The following CNTLN variants were observed in gnomAD, a reference collection of about 807,000 sequenced individuals.
CNTLN encodes centlein, centrosomal protein.
Under a neutral mutation model 180.0 loss-of-function variants are expected in CNTLN, and 212 were observed. The observed-to-expected ratio is 1.18, with a 90% CI of 1.05 to 1.32. The LOEUF (loss-of-function observed/expected upper bound fraction) is 1.32. Ranked by LOEUF, CNTLN falls within the 40% of genes most tolerant of loss-of-function variation. CNTLN has a pLI of 0.00. For synonymous variants in CNTLN, 722 were observed against 563.1 expected, an observed-to-expected ratio of 1.28 and a Z score of -3.99; for missense variants, 2,095 against 1,610.9, an observed-to-expected ratio of 1.30 and a Z score of -5.14.
the CNTLN span, among the ~76,000 whole-genome samples, chr9:17,522,192 C>T: frequency 1.3e-5 from 2 of 152,144 alleles, no homozygotes; most frequent in Non-Finnish European, 2.9e-5. Flanking sequence ...ATGGACGTGG[C>T]TAGTATAGTG....
chr9:17,248,887 C>T (rs1166476461), intron 5 of CNTLN, among the ~76,000 whole-genome samples: 1 of 151,730 alleles, frequency 6.6e-6, no homozygotes, highest in African/African-American at 2.4e-5. Flanking sequence ...ATCTTATAAT[C>T]ATTTTTATTT....
intron 2 of CNTLN, among the ~76,000 whole-genome samples, chr9:17,171,042 C>T (rs968030599): frequency 2.6e-5 from 4 of 152,184 alleles, no homozygotes; most frequent in Middle Eastern, 3.4e-3. Context: ...CACTCTGTGA[C>T]GTTTGCACAA....
chr9:17,482,988 C>T (rs1832724673), intron 23 of CNTLN, among the ~76,000 whole-genome samples: 2 of 151,886 alleles, frequency 1.3e-5, no homozygotes, highest in African/African-American at 4.8e-5. Context: ...TTTAAAGTAT[C>T]CCGCTAAATT....
At chr9:17,483,729 C>A (rs1385857150) in intron 23 of CNTLN, among the ~76,000 whole-genome samples, 1 of 152,148 alleles carries the variant, frequency 6.6e-6, no homozygotes, top group Non-Finnish European at 1.5e-5. Flanking sequence ...AATGATTTTT[C>A]TTCAATCCTT....
chr9:17,448,719 G>T (rs1340914827), intron 18 of CNTLN, among the ~76,000 whole-genome samples: 1 of 151,996 alleles, frequency 6.6e-6, no homozygotes, highest in Non-Finnish European at 1.5e-5. Flanking sequence ...TTGGTTCTTT[G>T]AGTGGACATT....
chr9:17,263,830 A>C (rs1008238930), intron 5 of CNTLN, among the ~76,000 whole-genome samples: 1 of 143,510 alleles, frequency 7.0e-6, no homozygotes, highest in Non-Finnish European at 1.5e-5. Context: ...TCTTGGCTGC[A>C]TAAATGTCTT....
At chr9:17,191,907 C>T (rs1048323465) in intron 2 of CNTLN, among the ~76,000 whole-genome samples, 1 of 152,120 alleles carries the variant, frequency 6.6e-6, no homozygotes, top group African/African-American at 2.4e-5. Flanking sequence ...GTCTTGGCAT[C>T]AATTATTGTC....
intron 5 of CNTLN, among the ~76,000 whole-genome samples, chr9:17,246,636 G>T (rs73646766): frequency 0.048 from 7,364 of 152,194 alleles, 608 homozygotes; most frequent in African/African-American, 0.17. Context: ...CTTCAGTACG[G>T]CAAGTTTGCC....
chr9:17,280,829 C>G (rs870271), intron 6 of CNTLN, among the ~76,000 whole-genome samples: 73,817 of 151,956 alleles, frequency 0.49, 18,929 homozygotes, highest in South Asian at 0.69. Context: ...ATGGTAAATG[C>G]AGAAAAAGAC....
chr9:17,306,642 C>A (rs368811490), intron 7 of CNTLN, among the ~76,000 whole-genome samples: 1 of 152,176 alleles, frequency 6.6e-6, no homozygotes, highest in Non-Finnish European at 1.5e-5. Flanking sequence ...CCTGACCATA[C>A]CCTAGCATCA....
intron 7 of CNTLN, among the ~76,000 whole-genome samples, chr9:17,307,958 G>A (rs533376908): frequency 6.9e-6 from 1 of 145,028 alleles, no homozygotes; most frequent in Non-Finnish European, 1.5e-5. Context: ...AGATTTTACT[G>A]TTAGCCTTTA....
At chr9:17,438,321 T>A (rs1829900398) in intron 18 of CNTLN, among the ~76,000 whole-genome samples, 1 of 151,984 alleles carries the variant, frequency 6.6e-6, no homozygotes, top group Non-Finnish European at 1.5e-5. Context: ...ATCTAGACAA[T>A]ATTAGTAGAA....
At chr9:17,231,427 T>G (rs1169898472) in intron 3 of CNTLN, among the ~76,000 whole-genome samples, 1 of 152,084 alleles carries the variant, frequency 6.6e-6, no homozygotes, top group African/African-American at 2.4e-5. Context: ...TTGCCTTTTT[T>G]TGGGTAAGAC....
intron 23 of CNTLN, among the ~76,000 whole-genome samples, chr9:17,473,304 C>T (rs1832132206): frequency 6.6e-6 from 1 of 152,138 alleles, no homozygotes; most frequent in African/African-American, 2.4e-5. Flanking sequence ...ATCTCAGCTG[C>T]GTCTTTCACT....
chr9:17,361,177 C>T (rs1030246431), intron 12 of CNTLN, among the ~76,000 whole-genome samples: 2 of 152,150 alleles, frequency 1.3e-5, no homozygotes, highest in Non-Finnish European at 2.9e-5. Context: ...CCTCATTTAG[C>T]ATTAGATATA....
intron 15 of CNTLN, among the ~76,000 whole-genome samples, chr9:17,397,916 A>G (rs931623397): frequency 1.3e-5 from 2 of 152,198 alleles, no homozygotes; most frequent in Non-Finnish European, 2.9e-5. Context: ...AGAATTCTCA[A>G]ACGGCTAGAA....
intron 18 of CNTLN, among the ~76,000 whole-genome samples, chr9:17,419,879 G>C (rs1828571903): frequency 6.6e-6 from 1 of 152,072 alleles, no homozygotes; most frequent in Admixed American, 6.6e-5. Flanking sequence ...TATGTACATT[G>C]ATAAATAATA....
At chr9:17,253,175 T>G (rs77535770) in intron 5 of CNTLN, among the ~76,000 whole-genome samples, 25,936 of 151,770 alleles carry the variant, frequency 0.17, 2,479 homozygotes, top group South Asian at 0.28. Context: ...TAATATATCC[T>G]TGTAATATGT....
chr9:17,409,273 C>G lies in CNTLN; in HGVS notation c.2616-20C>G. 1.2e-6 allele frequency: 2 copies of G among 1,600,492 alleles called. No individual in the cohort carries two copies. Among genetic ancestry groups the G allele is most frequent in the Non-Finnish European group, 1.7e-6 (2 of 1,175,878 alleles). Reference sequence around the variant, plus strand: ...CAACTTTTATTCTTGGATTTTATGTCCCTACTTTTTTCTAAAAAGCAGTGA... The same window carrying G: ...CAACTTTTATTCTTGGATTTTATGTGCCTACTTTTTTCTAAAAAGCAGTGA... On this transcript the variant is annotated intron_variant, in intron 15 of 25. Coordinates refer to ENST00000380647, the MANE Select transcript of CNTLN (RefSeq NM_017738.4).
Sources: gnomAD v4.1 joint callset for allele counts (sites outside exome capture counted in the v4.1 genomes callset) on GRCh38, gnomAD v4.1.1 for gene constraint, MANE v1.5 for transcripts, NCBI Gene and HGNC (gene_info 2026-07-23, HGNC 2026-07-21) for gene names.